Variants in RNF187 observed in about 807,000 individuals in gnomAD.
The protein encoded by RNF187 is E3 ubiquitin-protein ligase RNF187.
In RNF187, 18 loss-of-function variants were observed where a neutral mutation model predicts 22.2. The ratio of observed to expected loss-of-function variants is 0.81; its 90% CI spans 0.56 to 1.20. RNF187 has a LOEUF of 1.20. Ranked by LOEUF, RNF187 falls within the 50% of genes most tolerant of loss-of-function variation. RNF187 has a pLI of 0.00. For synonymous variants in RNF187, 164 were observed against 140.9 expected (o/e 1.16, Z -1.16); for missense variants, 329 against 317.6 (o/e 1.04, Z -0.27).
intron 1 of RNF187, 54 bp downstream of exon 1, chr1:228,487,932 GC>G: frequency 1.9e-6 from 2 of 1,029,902 alleles, no homozygotes; most frequent in South Asian, 7.5e-5. Flanking sequence ...GCGCCTCTCC[GC>G]CCCCGCCCCG....
At position 228,493,606 on chromosome 1, in the gene RNF187, T is replaced by C; in HGVS notation, c.706-277T>C. On this transcript the variant is annotated intron_variant, in intron 3 of 3. Transcript: ENST00000305943. The surrounding 1 kb of genome is among the most constrained non-coding windows in gnomAD (Gnocchi z 4.7). ...AAACCCAACCTCAGGGCTTTTCTTC[T>C]GCCTCTGCCCAGGGCCTGGCCTGAA... 6.6e-6 allele frequency among the ~76,000 whole-genome samples: 1 copy of C among 152,196 alleles called. No homozygotes were observed. The highest frequency in any genetic ancestry group is 2.4e-5 in the African/African-American group (1 of 41,452).
Position 228,494,498 on chromosome 1 carries a change from C to G in RNF187, c.*613C>G. The G allele has an allele frequency of 1.0e-6, 1 of 986,890 alleles. No homozygotes were observed. The allele number at this position is 986,890 out of a possible 1,614,324, so 61.1% of individuals were successfully genotyped here. ...ACCTCCCCCTTCCTGGCCCCCACCC[C>G]ACTCCTGTGCCTCCCAGGAGCCCTC... On this transcript the variant is annotated 3_prime_UTR_variant, in exon 4 of 4. Coordinates refer to ENST00000305943, the MANE Select transcript of RNF187 (RefSeq NM_001010858.3).
At position 228,487,388 on chromosome 1, in the gene RNF187, G is replaced by A; in HGVS notation, c.-101G>A. ...CCCCGTGCGCGTCCCCGGCGTTGGC[G>A]TCTTCGTCCTGTTGCTGGTCTCCGT... On this transcript the variant is annotated 5_prime_UTR_variant, in exon 1 of 4. Coordinates refer to ENST00000305943, the MANE Select transcript of RNF187 (RefSeq NM_001010858.3). 1 of 1,010,492 alleles carries A rather than the reference G, an allele frequency of 9.9e-7. No homozygotes were observed. Among genetic ancestry groups the A allele is most frequent in the Non-Finnish European group, 1.2e-6 (1 of 844,056 alleles). The allele number at this position is 1,010,492 out of a possible 1,614,324, so 62.6% of individuals were successfully genotyped here. A position where few individuals can be genotyped will look rare whatever the true frequency, so the allele number is the denominator to read the frequency against.
At chr1:228,490,014 T>C in intron 2 of RNF187, among the ~76,000 whole-genome samples, 2 of 152,228 alleles carry the variant, frequency 1.3e-5, no homozygotes, top group Non-Finnish European at 2.9e-5. Flanking sequence ...GTAAAGCTCT[T>C]TAGTCGTTTA....
Position 228,495,153 on chromosome 1 carries a change from C to T in RNF187, c.*1268C>T. ...CCTGGGGGGAGATGGGGCTCCACCC[C>T]GACGTAGCAGGGCAGGGGTTGGAGG... is the stretch of plus-strand genomic sequence containing the variant. On this transcript the variant is annotated 3_prime_UTR_variant, in exon 4 of 4. Transcript: ENST00000305943. 1.0e-4 allele frequency: 56 copies of T among 535,196 alleles called. No individual in the cohort carries two copies. Among genetic ancestry groups the T allele is most frequent in the South Asian group, 1.6e-4 (2 of 12,320 alleles). The allele number at this position is 535,196 out of a possible 1,614,324, so 33.2% of individuals were successfully genotyped here. A position where few individuals can be genotyped will look rare whatever the true frequency, so the allele number is the denominator to read the frequency against.
chr1:228,487,475 C>T lies in RNF187; in HGVS notation c.-14C>T. ...GCCGCTCCTGCGCCCTTGCCGGCCC[C>T]GCCGCCCGCAGCCCTGGCGCTCCCT... On this transcript the variant is annotated 5_prime_UTR_variant, in exon 1 of 4. Coordinates refer to ENST00000305943, the MANE Select transcript of RNF187 (RefSeq NM_001010858.3). 2.7e-6 allele frequency: 3 copies of T among 1,113,786 alleles called. No homozygotes were observed. The highest frequency in any genetic ancestry group is 3.9e-4 in the Middle Eastern group (1 of 2,568). 69.0% of individuals were successfully genotyped at this position (1,113,786 alleles called of 1,614,324 possible).
chr1:228,493,779 C>A lies in RNF187; in HGVS notation c.706-104C>A. ...CAGGACAGTACCTCATGCGCTGTCT[C>A]ATGTGCGCTCTCTCTTTCGCTCTCT... On this transcript the variant is annotated intron_variant, in intron 3 of 3. Transcript: ENST00000305943. The surrounding 1 kb of genome is among the most constrained non-coding windows in gnomAD (Gnocchi z 4.7). 1.6e-6 allele frequency: 2 copies of A among 1,242,730 alleles called. No individual in the cohort carries two copies. Among genetic ancestry groups the A allele is most frequent in the Non-Finnish European group, 2.3e-6 (2 of 867,002 alleles). 77.0% of individuals were successfully genotyped at this position (1,242,730 alleles called of 1,614,324 possible).
Position 228,493,889 on chromosome 1 carries a change from C to T in RNF187, c.*4C>T. The T allele has an allele frequency of 1.7e-5, 26 of 1,551,722 alleles. No homozygotes were observed. Among genetic ancestry groups the T allele is most frequent in the Middle Eastern group, 1.7e-4 (1 of 5,992 alleles). On this transcript the variant is annotated 3_prime_UTR_variant, in exon 4 of 4. Coordinates refer to ENST00000305943, the MANE Select transcript of RNF187 (RefSeq NM_001010858.3). The surrounding 1 kb of genome is among the most constrained non-coding windows in gnomAD (Gnocchi z 4.7). ...CCTCTCCCCTCCCATGCAGTGATGG[C>T]GCCAACCCGTGGCAGTCCCAGAGCT...
At chr1:228,488,121 T>G in intron 1 of RNF187, 2 of 172,842 alleles carry the variant, frequency 1.2e-5, no homozygotes, top group Non-Finnish European at 2.4e-5. Flanking sequence ...TCTGGTCCCC[T>G]TCCCCGTCTT....
chr1:228,493,964 C>T lies in RNF187; in HGVS notation c.*79C>T. The T allele has an allele frequency of 6.4e-7, 1 of 1,551,540 alleles. No individual in the cohort carries two copies. Among genetic ancestry groups the T allele is most frequent in the African/African-American group, 1.4e-5 (1 of 73,062 alleles). On this transcript the variant is annotated 3_prime_UTR_variant, in exon 4 of 4. Coordinates refer to ENST00000305943, the MANE Select transcript of RNF187 (RefSeq NM_001010858.3). This position sits in a 1 kb window ranked among gnomAD's most constrained non-coding sequence, Gnocchi z 4.7. The stretch of plus-strand genomic sequence containing the variant: ...CTCCATGGGAAGTGTCAGCGTGTGG[C>T]TGCCAGGGAAGCGTGGCAGGCGCCT...
In RNF187 at chr1:228,494,630, G is replaced by A; in HGVS notation, c.*745G>A. 1 of 985,366 alleles carries A rather than the reference G, an allele frequency of 1.0e-6. No homozygotes were observed. Among genetic ancestry groups the A allele is most frequent in the Non-Finnish European group, 1.2e-6 (1 of 830,030 alleles). The allele number at this position is 985,366 out of a possible 1,614,324, so 61.0% of individuals were successfully genotyped here. The stretch of plus-strand genomic sequence containing the variant: ...TTTAGCATCTCCAGGCCCTGCCATC[G>A]TGTCTCATCTTGCTGTTATCTCTAG... On this transcript the variant is annotated 3_prime_UTR_variant, in exon 4 of 4. Transcript: ENST00000305943.
At chr1:228,488,040 C>T in intron 1 of RNF187, among the ~76,000 whole-genome samples, 162 bp downstream of exon 1, 4 of 151,134 alleles carry the variant, frequency 2.6e-5, no homozygotes, top group Non-Finnish European at 5.9e-5. Context: ...GCCACGGGTC[C>T]CCTCTCCAGC....
chr1:228,495,573 C>A lies in RNF187; in HGVS notation c.*1688C>A. The A allele has an allele frequency of 1.0e-6, 1 of 985,580 alleles. No individual in the cohort carries two copies. The highest frequency in any genetic ancestry group is 1.2e-6 in the Non-Finnish European group (1 of 829,966). 61.1% of individuals were successfully genotyped at this position (985,580 alleles called of 1,614,324 possible). On this transcript the variant is annotated 3_prime_UTR_variant, in exon 4 of 4. Coordinates refer to ENST00000305943, the MANE Select transcript of RNF187 (RefSeq NM_001010858.3). Reference sequence around the variant, plus strand: ...CTGTCATCCCTGAGCATCCCTGCCCCTGCCCTGCACACCTGTGATGCTTGC... The same window carrying A: ...CTGTCATCCCTGAGCATCCCTGCCCATGCCCTGCACACCTGTGATGCTTGC...
In RNF187 at chr1:228,493,339, T is replaced by TTGG; in HGVS notation, c.705+66_705+68dup. Reference sequence around the variant, plus strand: ...GGTGGACGCAGGCAGCAGCGAGCCATTGGGGGACCATTGCCCGAAGTCAAG... The same window carrying TTGG: ...GGTGGACGCAGGCAGCAGCGAGCCATTGGTGGGGGACCATTGCCCGAAGTCAAG... On this transcript the variant is annotated intron_variant, in intron 3 of 3. Transcript: ENST00000305943. The surrounding 1 kb of genome is among the most constrained non-coding windows in gnomAD (Gnocchi z 4.7). 1.3e-6 allele frequency: 2 copies of TTGG among 1,501,958 alleles called. No individual in the cohort carries two copies. Among genetic ancestry groups the TTGG allele is most frequent in the South Asian group, 2.5e-5 (2 of 79,148 alleles). 93.0% of individuals were successfully genotyped at this position (1,501,958 alleles called of 1,614,324 possible). A position where few individuals can be genotyped will look rare whatever the true frequency, so the allele number is the denominator to read the frequency against.
chr1:228,495,141 G>C lies in RNF187; in HGVS notation c.*1256G>C. ...CTTTCCTTGGGGCCTGGGGGGAGATGGGGCTCCACCCCGACGTAGCAGGGC... is the reference window on the plus strand; with the variant it reads ...CTTTCCTTGGGGCCTGGGGGGAGATCGGGCTCCACCCCGACGTAGCAGGGC... On this transcript the variant is annotated 3_prime_UTR_variant, in exon 4 of 4. Transcript: ENST00000305943. 1.7e-5 allele frequency: 11 copies of C among 633,448 alleles called. No individual in the cohort carries two copies. Among genetic ancestry groups the C allele is most frequent in the Non-Finnish European group, 1.4e-5 (7 of 508,524 alleles). 39.2% of individuals were successfully genotyped at this position (633,448 alleles called of 1,614,324 possible).
At chr1:228,491,785 A>T in intron 2 of RNF187, among the ~76,000 whole-genome samples, 1 of 152,142 alleles carries the variant, frequency 6.6e-6, no homozygotes, top group Admixed American at 6.5e-5. Context: ...AGGCTCCCTT[A>T]TAATGAAATG....
chr1:228,487,905 AC>A, intron 1 of RNF187, 27 bp downstream of exon 1: 4 of 1,156,840 alleles, frequency 3.5e-6, no homozygotes, highest in Non-Finnish European at 3.2e-6. Flanking sequence ...CCCGTGCCCC[AC>A]CCCGGACGGT....
chr1:228,487,537 C>T lies in RNF187; in HGVS notation c.49C>T (p.Arg17Cys). The T allele has an allele frequency of 8.2e-7, 1 of 1,216,756 alleles. No homozygotes were observed. The highest frequency in any genetic ancestry group is 4.5e-5 in the East Asian group (1 of 22,168). 75.4% of individuals were successfully genotyped at this position (1,216,756 alleles called of 1,614,324 possible). ...CGAGGCCGCCTGCGCCCTGTGCCAG[C>T]GCGCGCCCCGGGAACCGGTGCGCGC... The change falls in exon 1 of 4, where the codon CGC (arginine) becomes TGC (cysteine). Residue 17 changes from arginine (R) to cysteine (C), a missense_variant. By Grantham distance (180) the Arg-to-Cys change is radical (BLOSUM62 -3). Transcript: ENST00000305943.
Position 228,489,062 on chromosome 1 carries a change from G to A in RNF187, c.483+10G>A. 1.9e-6 allele frequency: 3 copies of A among 1,543,534 alleles called. No homozygotes were observed. The highest frequency in any genetic ancestry group is 4.9e-5 in the East Asian group (2 of 40,914). On this transcript the variant is annotated intron_variant, in intron 2 of 3. Transcript: ENST00000305943. ...AGCTGCAGTGTGGAAGGCAAGTGGG[G>A]GGACCTGGGGCAGCCTGGAATGAGG... is the stretch of plus-strand genomic sequence containing the variant.
Sources: allele counts gnomAD v4.1 joint callset (sites outside exome capture counted in the v4.1 genomes callset), GRCh38; gene constraint gnomAD v4.1.1; non-coding constraint Gnocchi (gnomAD v3.1); transcripts MANE v1.5; gene names NCBI Gene and HGNC (gene_info 2026-07-23, HGNC 2026-07-21).